Variants in AP3B2 observed in about 807,000 individuals in gnomAD.
AP3B2 encodes the protein adaptor related protein complex 3 subunit beta 2.
A neutral mutation model predicts 126.9 loss-of-function variants in AP3B2; 50 were observed. The ratio of observed to expected loss-of-function variants is 0.39; its 90% CI spans 0.31 to 0.50. The LOEUF is 0.50. Ranked by LOEUF, AP3B2 falls within the 20% of genes least tolerant of loss-of-function variation. The pLI, the probability that AP3B2 is intolerant of heterozygous loss-of-function variation, is 0.79. For synonymous variants in AP3B2, 541 were observed against 565.0 expected (o/e 0.96, Z 0.60); for missense variants, 1,177 against 1,426.4 (o/e 0.83, Z 2.82).
chr15:82,700,770 GC>G (rs1254144174), intron 1 of AP3B2, among the ~76,000 whole-genome samples: 1 of 151,972 alleles, frequency 6.6e-6, no homozygotes, highest in Non-Finnish European at 1.5e-5. Context: ...TGCCCTTATG[GC>G]TTCACCACCT....
At chr15:82,678,286 C>G (rs2048277691) in intron 10 of AP3B2, 119 bp from the exon 11 acceptor site, 1 of 973,552 alleles carries the variant, frequency 1.0e-6, no homozygotes, top group African/African-American at 1.6e-5. Context: ...CTGCATCATC[C>G]TCACACTGAT....
intron 4 of AP3B2, chr15:82,685,442 T>G (rs926370241): frequency 6.6e-6 from 1 of 152,196 alleles, no homozygotes; most frequent in Admixed American, 6.5e-5. Flanking sequence ...ACCCTGACTT[T>G]CTGAAATGGA....
At chr15:82,684,438 T>C (rs987564131) in intron 4 of AP3B2, among the ~76,000 whole-genome samples, 1 of 152,228 alleles carries the variant, frequency 6.6e-6, no homozygotes, top group African/African-American at 2.4e-5. Context: ...TCAGCCATCA[T>C]AGAATTGGAG....
At chr15:82,702,198 G>T (rs1270032481) in intron 1 of AP3B2, among the ~76,000 whole-genome samples, 5 of 152,084 alleles carry the variant, frequency 3.3e-5, no homozygotes, top group Non-Finnish European at 7.4e-5. Flanking sequence ...AACCCAAATC[G>T]TAATATCCAG....
intron 1 of AP3B2, among the ~76,000 whole-genome samples, chr15:82,700,396 G>GTTTTTTTTTTTTTTTTTTT (rs1567275643): frequency 2.2e-3 from 25 of 11,258 alleles, no homozygotes; most frequent in South Asian, 0.018. Context: ...GTGGTGGGTG[G>GTTTTTTTTTTTTTTTTTTT]CTTTTTTTTT....
In AP3B2 at chr15:82,663,986, G is replaced by T. The variant is rs371427467; in HGVS notation, c.2262-11C>A. The stretch of plus-strand genomic sequence containing the variant: ...TCCTCACTCTGTTCACTGAAGGAGT[G>T]GGAAAGGTTGGCTCAGGCCTGGCCT... On this transcript the variant is annotated splice_polypyrimidine_tract_variant and intron_variant, in intron 19 of 26. Coordinates refer to ENST00000535359, the MANE Select transcript of AP3B2 (RefSeq NM_001278512.2). 6 of 1,599,004 alleles carry T rather than the reference G, an allele frequency of 3.8e-6. No individual in the cohort carries two copies. The highest frequency in any genetic ancestry group is 5.1e-6 in the Non-Finnish European group (6 of 1,178,408).
rs2048317012 is a variant in AP3B2 at position 82,680,439 on chromosome 15, G to A, written c.1055+33C>T. ...CAGCCCGTGGGGCGGGGCAGGAGGC[G>A]AGGGAGGGGGCGGGGCTGGGGGCGG... On this transcript the variant is annotated intron_variant, in intron 8 of 26. Transcript: ENST00000535359. The surrounding 1 kb of genome is among the most constrained non-coding windows in gnomAD (Gnocchi z 6.1). 5 of 1,452,304 alleles carry A rather than the reference G, an allele frequency of 3.4e-6. No individual in the cohort carries two copies. Among genetic ancestry groups the A allele is most frequent in the Non-Finnish European group, 4.5e-6 (5 of 1,105,288 alleles). The allele number at this position is 1,452,304 out of a possible 1,614,324, so 90.0% of individuals were successfully genotyped here. A position where few individuals can be genotyped will look rare whatever the true frequency, so the allele number is the denominator to read the frequency against.
At chr15:82,701,692 C>G (rs1034023900) in intron 1 of AP3B2, among the ~76,000 whole-genome samples, 4 of 152,184 alleles carry the variant, frequency 2.6e-5, no homozygotes, top group African/African-American at 9.7e-5. Context: ...AAATAAGGTA[C>G]GATGTCAATG....
Position 82,659,963 on chromosome 15 carries a change from C to T in AP3B2, c.3037G>A (p.Glu1013Lys), listed in dbSNP as rs755989477. The change falls in exon 26 of 27, where the codon GAG (glutamate) becomes AAG (lysine). Residue 1013 changes from glutamate (E) to lysine (K), a missense_variant. Transcript: ENST00000535359. Reference protein sequence around the residue: ...KEQGKLMGMNEITEKLMLPDT... With the variant: ...KEQGKLMGMNKITEKLMLPDT... ...GGCAGCATGAGTTTCTCTGTGATCT[C>T]ATTCATGCCCATCAGCTTTCCTGGG... The T allele has an allele frequency of 6.2e-7, 1 of 1,613,932 alleles. No homozygotes were observed. The highest frequency in any genetic ancestry group is 1.1e-5 in the South Asian group (1 of 91,082).
chr15:82,705,948 A>G (rs574127830), intron 1 of AP3B2, among the ~76,000 whole-genome samples: 6 of 152,232 alleles, frequency 3.9e-5, no homozygotes, highest in African/African-American at 1.4e-4. Flanking sequence ...AGCTGCTCTC[A>G]CACTAGGTCT....
Position 82,664,538 on chromosome 15 carries a change from T to G in AP3B2, c.2138-48A>C, listed in dbSNP as rs1427865200. ...CTCCTCCCTCATATGCAGGCCTCCT[T>G]GGGTCTGGAGCAGACACCTGGGTTC... On this transcript the variant is annotated intron_variant, in intron 18 of 26. Coordinates refer to ENST00000535359, the MANE Select transcript of AP3B2 (RefSeq NM_001278512.2). This position sits in a 1 kb window ranked among gnomAD's most constrained non-coding sequence, Gnocchi z 4.5. 6.3e-7 allele frequency: 1 copy of G among 1,578,422 alleles called. No homozygotes were observed.
intron 4 of AP3B2, chr15:82,685,733 C>A (rs1324945603): frequency 6.6e-6 from 1 of 152,078 alleles, no homozygotes; most frequent in Non-Finnish European, 1.5e-5. Context: ...ATATTAGTAT[C>A]TTGATTTCAG....
At chr15:82,693,241 C>T (rs2048574851) in intron 1 of AP3B2, among the ~76,000 whole-genome samples, 1 of 124,138 alleles carries the variant, frequency 8.1e-6, no homozygotes, top group Non-Finnish European at 1.6e-5. Flanking sequence ...GGGACAACTG[C>T]TTTGCAGCAC....
At chr15:82,673,515 G>A (rs2048192264) in intron 14 of AP3B2, among the ~76,000 whole-genome samples, 1 of 152,084 alleles carries the variant, frequency 6.6e-6, no homozygotes, top group African/African-American at 2.4e-5. Context: ...AACCCAGCCT[G>A]GAGAAAATTC....
Position 82,662,109 on chromosome 15 carries a change from T to C in AP3B2, c.2918+59A>G, listed in dbSNP as rs563019065. The C allele has an allele frequency of 4.2e-5, 63 of 1,493,368 alleles. No individual in the cohort carries two copies. The South Asian group carries it at 5.2e-4, about 12-fold the overall frequency. The allele number at this position is 1,493,368 out of a possible 1,614,324, so 92.5% of individuals were successfully genotyped here. ...AAGCACCACCTCCATTTCCAGTTCA[T>C]TGTTACCCTGTCCCTTTCCAGCCCA... On this transcript the variant is annotated intron_variant, in intron 24 of 26. Transcript: ENST00000535359.
At chr15:82,662,289 G>C in intron 23 of AP3B2, 37 bp from the exon 24 acceptor site, 1 of 1,489,838 alleles carries the variant, frequency 6.7e-7, no homozygotes, top group Non-Finnish European at 9.2e-7. Flanking sequence ...GAGAGGGAGG[G>C]CCACCATCAC....
At chr15:82,694,916 G>T (rs1180777637) in intron 1 of AP3B2, among the ~76,000 whole-genome samples, 1 of 152,052 alleles carries the variant, frequency 6.6e-6, no homozygotes, top group Non-Finnish European at 1.5e-5. Flanking sequence ...TGACAATAGG[G>T]ATGCTAGGAG....
chr15:82,687,328 T>G (rs1164552190), intron 4 of AP3B2: 1 of 152,222 alleles, frequency 6.6e-6, no homozygotes, highest in East Asian at 1.9e-4. Flanking sequence ...GTTGAGACTA[T>G]AAGGCCTACA....
rs776921804 is a variant in AP3B2 at position 82,666,832 on chromosome 15, G to A, written c.1767C>T (p.Ser589=). 20 of 1,613,900 alleles carry A rather than the reference G, an allele frequency of 1.2e-5. No individual in the cohort carries two copies. The East Asian group carries it at 1.6e-4, about 13-fold the overall frequency. The change falls in exon 15 of 27, where the codon TCC becomes TCT. Residue 589 remains serine, a synonymous_variant. Coordinates refer to ENST00000535359, the MANE Select transcript of AP3B2 (RefSeq NM_001278512.2). ...GGCGGCTGAGGGCCCCACCCTGCTC[G>A]GAAGGGACGATGAGCTGCCGGGTGA... ...ARFTRQLIVP[S]EQGGALSRHA...
Sources: gnomAD v4.1 joint callset for allele counts (sites outside exome capture counted in the v4.1 genomes callset) on GRCh38, gnomAD v4.1.1 for gene constraint, Gnocchi (gnomAD v3.1) non-coding constraint, MANE v1.5 for transcripts, NCBI Gene and HGNC (gene_info 2026-07-23, HGNC 2026-07-21) for gene names.